The following SGCZ variants were observed in gnomAD, a reference collection of about 807,000 sequenced individuals.
The protein encoded by SGCZ is sarcoglycan zeta.
In SGCZ, 40 loss-of-function variants were observed where a neutral mutation model predicts 41.3. The observed-to-expected ratio is 0.97, with a 90% CI of 0.75 to 1.26. The LOEUF is 1.26. Ranked by LOEUF, SGCZ falls within the 50% of genes most tolerant of loss-of-function variation. The pLI, the probability that SGCZ is intolerant of heterozygous loss-of-function variation, is 0.00. For synonymous variants in SGCZ, 206 were observed against 137.5 expected (o/e 1.50, Z -3.49); for missense variants, 552 against 369.8 (o/e 1.49, Z -4.04).
intron 3 of SGCZ, among the ~76,000 whole-genome samples, chr8:14,307,102 A>G (rs750804936): frequency 1.3e-5 from 2 of 152,220 alleles, no homozygotes; most frequent in Non-Finnish European, 1.5e-5. Flanking sequence ...AAGTACTGCT[A>G]TAATAACTTT....
At chr8:14,937,661 C>A (rs898382336) in intron 1 of SGCZ, among the ~76,000 whole-genome samples, 2 of 152,042 alleles carry the variant, frequency 1.3e-5, no homozygotes, top group African/African-American at 2.4e-5. Context: ...TCTTTCATTA[C>A]AATAGAAAAT....
intron 2 of SGCZ, among the ~76,000 whole-genome samples, chr8:14,331,975 A>G (rs542485584): frequency 6.6e-6 from 1 of 152,016 alleles, no homozygotes; most frequent in East Asian, 1.9e-4. Context: ...TTTATACAAT[A>G]CATGTAATAT....
At chr8:15,200,838 C>T (rs1180115812) in intron 1 of SGCZ, among the ~76,000 whole-genome samples, 1 of 152,188 alleles carries the variant, frequency 6.6e-6, no homozygotes, top group African/African-American at 2.4e-5. Context: ...CACACTCTGC[C>T]TGAGTTCTAA....
chr8:15,093,391 C>T (rs1321001638), intron 1 of SGCZ, among the ~76,000 whole-genome samples: 3 of 152,140 alleles, frequency 2.0e-5, no homozygotes, highest in Non-Finnish European at 2.9e-5. Flanking sequence ...TTCTACATTA[C>T]GTCCACCATG....
intron 2 of SGCZ, among the ~76,000 whole-genome samples, chr8:14,353,720 C>G (rs1262105126): frequency 2.0e-5 from 3 of 152,060 alleles, no homozygotes; most frequent in African/African-American, 7.2e-5. Context: ...TGTGTCTCTT[C>G]TTCTGAAATT....
At chr8:14,994,364 G>C (rs1802135315) in intron 1 of SGCZ, among the ~76,000 whole-genome samples, 1 of 152,076 alleles carries the variant, frequency 6.6e-6, no homozygotes. Flanking sequence ...CGGGCAGATT[G>C]CCTGAGCTCA....
chr8:14,422,762 C>T (rs1799669560), intron 2 of SGCZ, among the ~76,000 whole-genome samples: 1 of 152,150 alleles, frequency 6.6e-6, no homozygotes, highest in Admixed American at 6.6e-5. Flanking sequence ...CCCCAGATCT[C>T]TTTTAGTTAT....
At chr8:15,049,940 A>T (rs187440025) in intron 1 of SGCZ, among the ~76,000 whole-genome samples, 1 of 152,102 alleles carries the variant, frequency 6.6e-6, no homozygotes, top group Non-Finnish European at 1.5e-5. Flanking sequence ...CTCCACAGCC[A>T]TCTGAAACTG....
chr8:15,198,648 C>A (rs564942650), intron 1 of SGCZ, among the ~76,000 whole-genome samples: 32 of 152,184 alleles, frequency 2.1e-4, no homozygotes, highest in South Asian at 2.1e-4. Context: ...CTAATACAAC[C>A]CTTAATAACA....
intron 1 of SGCZ, among the ~76,000 whole-genome samples, chr8:15,200,195 G>A (rs1303802124): frequency 6.6e-6 from 1 of 152,156 alleles, no homozygotes; most frequent in African/African-American, 2.4e-5. Context: ...AGTCAATATA[G>A]CATAAATACT....
chr8:14,945,161 T>C, intron 1 of SGCZ, among the ~76,000 whole-genome samples: 1 of 18,324 alleles, frequency 5.5e-5, no homozygotes, highest in Non-Finnish European at 1.0e-4. Context: ...TGTGTGTGGG[T>C]GGGTGGGGGG....
intron 1 of SGCZ, among the ~76,000 whole-genome samples, chr8:15,217,416 CA>C (rs35784389): frequency 0.72 from 85,403 of 118,586 alleles, 29,084 homozygotes; most frequent in South Asian, 0.78. Context: ...GACTCCGTCT[CA>C]AAAAAAAAAA....
At chr8:14,814,631 A>T (rs970369970) in intron 1 of SGCZ, among the ~76,000 whole-genome samples, 1 of 152,196 alleles carries the variant, frequency 6.6e-6, no homozygotes, top group African/African-American at 2.4e-5. Context: ...AGTTCAGAGA[A>T]GATGGGAGGA....
chr8:14,323,271 C>T (rs7357477), intron 3 of SGCZ, among the ~76,000 whole-genome samples: 39,260 of 151,876 alleles, frequency 0.26, 5,500 homozygotes, highest in East Asian at 0.45. Context: ...TGCTAATCTT[C>T]TACATTGATT....
At chr8:14,536,839 C>A (rs960644187) in intron 2 of SGCZ, among the ~76,000 whole-genome samples, 3 of 151,858 alleles carry the variant, frequency 2.0e-5, no homozygotes. Context: ...AAGAAAATAG[C>A]AACTATTATT....
intron 1 of SGCZ, among the ~76,000 whole-genome samples, chr8:14,955,970 T>A (rs1033805134): frequency 1.3e-5 from 2 of 152,030 alleles, no homozygotes; most frequent in Non-Finnish European, 2.9e-5. Context: ...ATTTTACTTT[T>A]CACATTTGGG....
intron 2 of SGCZ, among the ~76,000 whole-genome samples, chr8:14,360,955 G>A (rs1002511472): frequency 5.9e-5 from 9 of 152,124 alleles, no homozygotes; most frequent in African/African-American, 9.7e-5. Flanking sequence ...AGCATGTGAC[G>A]TTGCCACTAT....
chr8:14,799,718 G>A (rs1004843366), intron 1 of SGCZ, among the ~76,000 whole-genome samples: 5 of 151,890 alleles, frequency 3.3e-5, no homozygotes, highest in Admixed American at 2.6e-4. Context: ...AAAAAGCGTA[G>A]AACCCTCCAG....
chr8:14,102,581 C>G, intron 6 of SGCZ, 82 bp from the exon 7 acceptor site: 1 of 1,200,750 alleles, frequency 8.3e-7, no homozygotes, highest in Non-Finnish European at 1.1e-6. Context: ...TTTTGATAAA[C>G]TAGAAGACAA....
Sources: allele counts gnomAD v4.1 joint callset (sites outside exome capture counted in the v4.1 genomes callset), GRCh38; gene constraint gnomAD v4.1.1; transcripts MANE v1.5; gene names NCBI Gene and HGNC (gene_info 2026-07-23, HGNC 2026-07-21).